MFHAS1: variants seen among roughly 807,000 people sequenced by gnomAD.
MFHAS1 encodes multifunctional ROCO family signaling regulator 1, also known as malignant fibrous histiocytoma-amplified sequence 1.
In MFHAS1, 50 loss-of-function variants were observed where a neutral mutation model predicts 70.4. The observed-to-expected ratio is 0.71, with a 90% CI of 0.57 to 0.90. The LOEUF is 0.90. Ranked by LOEUF, MFHAS1 falls within the 40% of genes least tolerant of loss-of-function variation. MFHAS1 has a pLI of 0.00. For missense variants in MFHAS1, 1,795 were observed against 1,347.6 expected, an observed-to-expected ratio of 1.33 and a Z score of -5.20; for synonymous variants, 952 against 620.0, an observed-to-expected ratio of 1.54 and a Z score of -7.96.
intron 1 of MFHAS1, among the ~76,000 whole-genome samples, chr8:8,854,257 G>A (rs1359261636): frequency 6.6e-6 from 1 of 152,090 alleles, no homozygotes; most frequent in African/African-American, 2.4e-5. Flanking sequence ...ATTAGGCCAG[G>A]TGCAGTGGCT....
intron 1 of MFHAS1, among the ~76,000 whole-genome samples, chr8:8,836,115 G>C (rs1807585594): frequency 6.6e-6 from 1 of 152,220 alleles, no homozygotes; most frequent in Admixed American, 6.5e-5. Context: ...AGAGAGGAAA[G>C]AAAAGGAGAA....
At chr8:8,799,874 G>A (rs539991679) in intron 1 of MFHAS1, among the ~76,000 whole-genome samples, 1 of 152,212 alleles carries the variant, frequency 6.6e-6, no homozygotes, top group Non-Finnish European at 1.5e-5. Flanking sequence ...TACACCTCGT[G>A]TAATCTTCAC....
chr8:8,841,475 A>C lies in MFHAS1; in HGVS notation c.2999-43984T>G, dbSNP rs191918274. On this transcript the variant is annotated intron_variant, in intron 1 of 2. Coordinates refer to ENST00000276282, the MANE Select transcript of MFHAS1 (RefSeq NM_004225.3). ...AGATCAAGACTTCGTCTCAAAAAAA[A>C]AAAAAGACTTCTTTTTGTTGTTTGC... Among the ~76,000 whole-genome samples the C allele has an allele frequency of 5.8e-3, 879 of 152,108 alleles. 26 individuals carry two copies. The highest frequency in any genetic ancestry group is 0.051 in the Admixed American group (786 of 15,274).
At chr8:8,828,542 T>C (rs1807249327) in intron 1 of MFHAS1, among the ~76,000 whole-genome samples, 2 of 152,090 alleles carry the variant, frequency 1.3e-5, no homozygotes, top group African/African-American at 4.8e-5. Flanking sequence ...GCTCACACCA[T>C]TACCTAGAGC....
At chr8:8,832,949 T>G (rs1807460796) in intron 1 of MFHAS1, among the ~76,000 whole-genome samples, 1 of 152,166 alleles carries the variant, frequency 6.6e-6, no homozygotes, top group Non-Finnish European at 1.5e-5. Flanking sequence ...AAAAGAGGCT[T>G]AATTGGCTCA....
intron 1 of MFHAS1, among the ~76,000 whole-genome samples, chr8:8,882,551 G>A (rs994903177): frequency 1.3e-5 from 2 of 152,154 alleles, no homozygotes; most frequent in African/African-American, 2.4e-5. Context: ...AGCAGACGTT[G>A]CAGTGAGCTG....
chr8:8,893,626 G>A lies in MFHAS1; in HGVS notation c.-568C>T, dbSNP rs1810194184. The A allele has an allele frequency of 6.8e-6, 1 of 146,936 alleles. No individual in the cohort carries two copies. Among genetic ancestry groups the A allele is most frequent in the East Asian group, 2.0e-4 (1 of 5,032 alleles). The allele number at this position is 146,936 out of a possible 1,614,324, so 9.1% of individuals were successfully genotyped here. ...GGCGCTGGGAGGGCGCGATTGGGAA[G>A]CGGCAGCGCCGCCCGCCGGAGCGGC... On this transcript the variant is annotated 5_prime_UTR_variant, in exon 1 of 3. Transcript: ENST00000276282.
Position 8,891,514 on chromosome 8 carries a change from G to T in MFHAS1, c.1545C>A (p.Thr515=), listed in dbSNP as rs143346462. 93 of 1,613,088 alleles carry T rather than the reference G, an allele frequency of 5.8e-5. 1 individual carries two copies. The African/African-American group carries it at 1.2e-3, about 21-fold the overall frequency. The change falls in exon 1 of 3, where the codon ACC becomes ACA. Residue 515 remains threonine (T), a synonymous_variant. Transcript: ENST00000276282. This position sits in a 1 kb window ranked among gnomAD's most constrained non-coding sequence, Gnocchi z 5.4. ...CGACCCGATGCAAGAAGGAGCCCAC[G>T]GTGGTAGGAAAGTGGCGAGGCTCAT... ...ATYEPRHFPT[T]VGSFLHRVGA...
At chr8:8,789,679 C>G (rs1328678384) in intron 2 of MFHAS1, among the ~76,000 whole-genome samples, 3 of 152,126 alleles carry the variant, frequency 2.0e-5, no homozygotes, top group Admixed American at 2.0e-4. Context: ...AGGGACTGCC[C>G]CTCCTAGGAT....
At chr8:8,801,652 A>G (rs1806088171) in intron 1 of MFHAS1, among the ~76,000 whole-genome samples, 1 of 152,260 alleles carries the variant, frequency 6.6e-6, no homozygotes, top group South Asian at 2.1e-4. Context: ...AATCATTCTC[A>G]AATTGAACAT....
intron 1 of MFHAS1, among the ~76,000 whole-genome samples, chr8:8,846,469 C>G (rs757546926): frequency 6.6e-6 from 1 of 152,042 alleles, no homozygotes; most frequent in Non-Finnish European, 1.5e-5. Context: ...AAGTCTCCTG[C>G]CTTACCTCCC....
In MFHAS1 at chr8:8,890,907, C is replaced by T; in HGVS notation, c.2152G>A (p.Asp718Asn). ...ACGTGCTCCTTGAGAGCCGGACTGT[C>T]CTCAAAGTAGAGTAGCTTGCCGCTC... ...HESGKLLYFEDSPALKEHVFH... is the reference protein window; with the variant it reads ...HESGKLLYFENSPALKEHVFH... The change falls in exon 1 of 3, where the codon GAC becomes AAC. Residue 718 changes from aspartate to asparagine, a missense_variant. Transcript: ENST00000276282. 1 of 1,614,114 alleles carries T rather than the reference C, an allele frequency of 6.2e-7. No individual in the cohort carries two copies. The highest frequency in any genetic ancestry group is 8.5e-7 in the Non-Finnish European group (1 of 1,180,026).
chr8:8,830,456 T>C (rs1807343901), intron 1 of MFHAS1, among the ~76,000 whole-genome samples: 1 of 152,178 alleles, frequency 6.6e-6, no homozygotes, highest in East Asian at 1.9e-4. Flanking sequence ...AAATCACTCA[T>C]AATCCATCTA....
At chr8:8,814,426 T>C (rs1327491198) in intron 1 of MFHAS1, among the ~76,000 whole-genome samples, 1 of 152,216 alleles carries the variant, frequency 6.6e-6, no homozygotes, top group Non-Finnish European at 1.5e-5. Context: ...TCTAGGTTTG[T>C]GTAAGTGCAC....
Position 8,797,507 on chromosome 8 carries a change from G to C in MFHAS1, c.2999-16C>G. 32 of 1,610,378 alleles carry C rather than the reference G, an allele frequency of 2.0e-5. No individual in the cohort carries two copies. Among genetic ancestry groups the C allele is most frequent in the Non-Finnish European group, 2.7e-5 (32 of 1,177,720 alleles). Reference sequence around the variant, plus strand: ...AGCAACTCCCCTGTAGGAGGAGAGAGAAAAACGTGTTAGGGAGATGTGCAC... The same window carrying C: ...AGCAACTCCCCTGTAGGAGGAGAGACAAAAACGTGTTAGGGAGATGTGCAC... On this transcript the variant is annotated splice_polypyrimidine_tract_variant and intron_variant, in intron 1 of 2. Transcript: ENST00000276282.
intron 1 of MFHAS1, among the ~76,000 whole-genome samples, chr8:8,828,131 G>C (rs527435610): frequency 4.6e-5 from 7 of 152,122 alleles, no homozygotes; most frequent in Admixed American, 4.6e-4. Context: ...CCCTACCTTC[G>C]AGAATGTTTC....
intron 1 of MFHAS1, among the ~76,000 whole-genome samples, chr8:8,879,881 T>G (rs979128712): frequency 6.6e-6 from 1 of 152,218 alleles, no homozygotes; most frequent in African/African-American, 2.4e-5. Context: ...TTTGTATCAC[T>G]GCCACCATCA....
chr8:8,824,225 A>T (rs1173941061), intron 1 of MFHAS1, among the ~76,000 whole-genome samples: 3 of 151,852 alleles, frequency 2.0e-5, no homozygotes, highest in Non-Finnish European at 4.4e-5. Flanking sequence ...CTCTGCGGGG[A>T]GCAGGATGCC....
intron 1 of MFHAS1, among the ~76,000 whole-genome samples, chr8:8,815,331 A>G (rs1006925004): frequency 3.3e-5 from 5 of 152,170 alleles, no homozygotes; most frequent in African/African-American, 7.2e-5. Context: ...GAACATACAC[A>G]TGCATGTATC....
Sources: gnomAD v4.1 joint callset for allele counts (sites outside exome capture counted in the v4.1 genomes callset) on GRCh38, gnomAD v4.1.1 for gene constraint, Gnocchi (gnomAD v3.1) non-coding constraint, MANE v1.5 for transcripts, NCBI Gene and HGNC (gene_info 2026-07-23, HGNC 2026-07-21) for gene names.